The following ADGRG7 variants were observed in gnomAD, a reference collection of about 807,000 sequenced individuals.
ADGRG7 encodes the protein G-protein coupled receptor 128.
Under a neutral mutation model 88.6 loss-of-function variants are expected in ADGRG7, and 82 were observed. The observed-to-expected ratio is 0.93, with a 90% CI of 0.77 to 1.11. The LOEUF is 1.11. Among genes scored for constraint, ADGRG7 ranks in the 50% most tolerant of loss-of-function variants. ADGRG7 has a pLI of 0.00. For missense variants in ADGRG7, 945 were observed against 953.4 expected, an observed-to-expected ratio of 0.99 and a Z score of 0.12; for synonymous variants, 381 against 345.2, an observed-to-expected ratio of 1.10 and a Z score of -1.15.
rs560378246 is a variant in ADGRG7, at chr3:100,639,523, GCC to G, written c.698+2123_698+2124del. ...ACTTCAGATTTCAATAGGAGTCTGG[GCC>G]CTTCTCATGGAGAATGTGGATGTCT... On this transcript the variant is annotated intron_variant, in intron 6 of 15. Coordinates refer to ENST00000273352, the MANE Select transcript of ADGRG7 (RefSeq NM_032787.3). 3.4e-3 allele frequency among the ~76,000 whole-genome samples: 522 copies of G among 152,270 alleles called. 4 individuals carry two copies. Among genetic ancestry groups the G allele is most frequent in the African/African-American group, 0.012 (507 of 41,562 alleles).
At chr3:100,694,145 T>C (rs1294770433) in intron 15 of ADGRG7, among the ~76,000 whole-genome samples, 1 of 152,204 alleles carries the variant, frequency 6.6e-6, no homozygotes. Context: ...AATGATCAAA[T>C]GATGAGGATT....
chr3:100,685,138 G>C (rs1206302812), intron 15 of ADGRG7, among the ~76,000 whole-genome samples: 5 of 152,030 alleles, frequency 3.3e-5, no homozygotes, highest in African/African-American at 1.2e-4. Context: ...CTCATCAATG[G>C]TAGTAATTTT....
chr3:100,677,725 T>C (rs987792706), intron 15 of ADGRG7, among the ~76,000 whole-genome samples: 12 of 152,146 alleles, frequency 7.9e-5, no homozygotes, highest in Admixed American at 2.0e-4. Flanking sequence ...TTTCCCTTCA[T>C]CACTTTAAAT....
At chr3:100,617,121 A>C (rs540830245) in intron 1 of ADGRG7, among the ~76,000 whole-genome samples, 1 of 152,354 alleles carries the variant, frequency 6.6e-6, no homozygotes, top group East Asian at 1.9e-4. Context: ...CATCATGGTA[A>C]AATTGCAGAA....
chr3:100,631,217 T>C (rs1378306517), intron 3 of ADGRG7, among the ~76,000 whole-genome samples: 1 of 152,200 alleles, frequency 6.6e-6, no homozygotes, highest in African/African-American at 2.4e-5. Flanking sequence ...GTTAAGTCTG[T>C]TCATAGTTGG....
chr3:100,622,602 G>T (rs1707329541), intron 1 of ADGRG7, among the ~76,000 whole-genome samples: 1 of 151,830 alleles, frequency 6.6e-6, no homozygotes, highest in Non-Finnish European at 1.5e-5. Flanking sequence ...GGGCTGCTTG[G>T]GTTCTTATTA....
chr3:100,684,989 A>G (rs1172366396), intron 15 of ADGRG7, among the ~76,000 whole-genome samples: 1 of 152,098 alleles, frequency 6.6e-6, no homozygotes, highest in Non-Finnish European at 1.5e-5. Context: ...AGAAATATTT[A>G]TAATACTAGA....
chr3:100,662,322 A>G (rs925584041), intron 14 of ADGRG7, among the ~76,000 whole-genome samples: 1 of 152,170 alleles, frequency 6.6e-6, no homozygotes, highest in African/African-American at 2.4e-5. Flanking sequence ...TGCCACACAG[A>G]TTATTTAGTA....
chr3:100,625,022 C>G (rs1426035078), intron 1 of ADGRG7, among the ~76,000 whole-genome samples: 2 of 152,106 alleles, frequency 1.3e-5, no homozygotes, highest in East Asian at 3.8e-4. Context: ...TATACAGACT[C>G]TTTTTTGGTT....
Position 100,643,400 on chromosome 3 carries a change from A to G in ADGRG7, c.833A>G (p.Gln278Arg), listed in dbSNP as rs779278985. ...VGPSNVRFSV[Q>R]KGASSSLVSS... The stretch of plus-strand genomic sequence containing the variant: ...CCTTCAAATGTTCGCTTCTCTGTGC[A>G]GAAAGGTGAGCTGTTAATCTTATGT... The change falls in exon 7 of 16, where the codon CAG becomes CGG. Residue 278 changes from glutamine to arginine, a missense_variant. Gln to Arg is a conservative substitution (Grantham distance 43). Transcript: ENST00000273352. The G allele has an allele frequency of 1.2e-6, 2 of 1,613,932 alleles. No individual in the cohort carries two copies. The highest frequency in any genetic ancestry group is 2.2e-5 in the South Asian group (2 of 91,034).
At chr3:100,687,154 A>G (rs1190519881) in intron 15 of ADGRG7, among the ~76,000 whole-genome samples, 3 of 152,188 alleles carry the variant, frequency 2.0e-5, no homozygotes, top group Admixed American at 1.3e-4. Flanking sequence ...TGTGAATGGG[A>G]GTTCACTCAT....
At chr3:100,669,160 C>G in intron 15 of ADGRG7, 55 bp downstream of exon 15, 5 of 1,303,314 alleles carry the variant, frequency 3.8e-6, no homozygotes, top group Non-Finnish European at 4.1e-6. Flanking sequence ...GAGATATCAT[C>G]TTGATATCTT....
At chr3:100,690,374 C>T (rs541680981) in intron 15 of ADGRG7, among the ~76,000 whole-genome samples, 12 of 152,310 alleles carry the variant, frequency 7.9e-5, no homozygotes, top group East Asian at 5.8e-4. Context: ...TCTCTCAACT[C>T]GTCAAAGTCA....
intron 1 of ADGRG7, among the ~76,000 whole-genome samples, chr3:100,625,197 C>T (rs1299497984): frequency 6.6e-6 from 1 of 152,074 alleles, no homozygotes; most frequent in Non-Finnish European, 1.5e-5. Context: ...TTGTTTGTGT[C>T]CTCTCTTATT....
intron 15 of ADGRG7, among the ~76,000 whole-genome samples, chr3:100,685,652 G>C (rs1416071761): frequency 6.6e-6 from 1 of 152,200 alleles, no homozygotes; most frequent in South Asian, 2.1e-4. Context: ...GCGATAGTTT[G>C]CTGAGAATGA....
intron 2 of ADGRG7, among the ~76,000 whole-genome samples, chr3:100,630,188 A>G (rs1253976408): frequency 1.4e-5 from 2 of 148,078 alleles, no homozygotes; most frequent in Admixed American, 6.6e-5. Context: ...ATTTCAATCA[A>G]TTGTGTCTCA....
At chr3:100,622,157 G>A (rs1313122855) in intron 1 of ADGRG7, among the ~76,000 whole-genome samples, 1 of 152,210 alleles carries the variant, frequency 6.6e-6, no homozygotes, top group East Asian at 1.9e-4. Context: ...ATTGGTACCC[G>A]GGGCTGGGGA....
chr3:100,691,152 A>C (rs138388246), intron 15 of ADGRG7, among the ~76,000 whole-genome samples: 1,553 of 152,212 alleles, frequency 0.01, 26 homozygotes, highest in African/African-American at 0.036. Flanking sequence ...TGGGCGTAGG[A>C]CCCTCCGACC....
chr3:100,618,562 T>C (rs1193745289), intron 1 of ADGRG7, among the ~76,000 whole-genome samples: 1 of 152,206 alleles, frequency 6.6e-6, no homozygotes, highest in Non-Finnish European at 1.5e-5. Context: ...CTCTTTTCTG[T>C]TCCATTGTTC....
Sources: gnomAD v4.1 joint callset for allele counts (sites outside exome capture counted in the v4.1 genomes callset) on GRCh38, gnomAD v4.1.1 for gene constraint, MANE v1.5 for transcripts, NCBI Gene and HGNC (gene_info 2026-07-23, HGNC 2026-07-21) for gene names.